Variants in ABR observed in about 807,000 individuals in gnomAD.
ABR encodes active breakpoint cluster region-related protein.
A neutral mutation model predicts 107.2 loss-of-function variants in ABR; 35 were observed. That is an observed-to-expected ratio of 0.33 (90% CI 0.25 to 0.43). ABR has a LOEUF of 0.43. Ranked by LOEUF, ABR falls within the 20% of genes least tolerant of loss-of-function variation. ABR has a pLI of 1.00. For synonymous variants in ABR, 498 were observed against 462.0 expected (o/e 1.08, Z -1.00); for missense variants, 815 against 1,115.2 (o/e 0.73, Z 3.83).
chr17:1,168,570 T>C (rs2041598561), intron 1 of ABR, among the ~76,000 whole-genome samples: 1 of 152,136 alleles, frequency 6.6e-6, no homozygotes, highest in Non-Finnish European at 1.5e-5. Context: ...GGACTGAATG[T>C]GGTGGGAAAG....
chr17:1,057,778 T>C (rs568469787), intron 12 of ABR, 192 bp downstream of exon 12: 28 of 563,000 alleles, frequency 5.0e-5, no homozygotes, highest in Non-Finnish European at 8.0e-5. Context: ...TAAATCATCA[T>C]GTCTTTCAGC....
intron 3 of ABR, among the ~76,000 whole-genome samples, chr17:1,098,276 C>T (rs934411217): frequency 4.6e-5 from 7 of 151,992 alleles, no homozygotes; most frequent in Non-Finnish European, 8.8e-5. Flanking sequence ...CGGGGTTTCA[C>T]CGTGTTGGCC....
At chr17:1,163,423 T>C (rs796217835) in intron 1 of ABR, among the ~76,000 whole-genome samples, 8 of 152,256 alleles carry the variant, frequency 5.3e-5, no homozygotes, top group African/African-American at 1.9e-4. Context: ...AGTCACAAGA[T>C]GAGCAAGACG....
At chr17:1,089,551 C>T (rs1025646965) in intron 4 of ABR, among the ~76,000 whole-genome samples, 18 of 152,156 alleles carry the variant, frequency 1.2e-4, no homozygotes, top group Admixed American at 5.9e-4. Context: ...AATCTCAGGC[C>T]CTGCAACGTC....
chr17:1,048,936 C>T (rs2032093058), intron 16 of ABR, among the ~76,000 whole-genome samples: 1 of 152,196 alleles, frequency 6.6e-6, no homozygotes, highest in South Asian at 2.1e-4. Context: ...AGAATCTACC[C>T]CCAAACCAGA....
At chr17:1,014,235 A>G (rs2070927188) in intron 16 of ABR, among the ~76,000 whole-genome samples, 1 of 152,078 alleles carries the variant, frequency 6.6e-6, no homozygotes, top group South Asian at 2.1e-4. Context: ...AGCTCAGGAG[A>G]TCGAGACCAT....
chr17:1,224,701 G>A (rs761918497), intron 1 of ABR, among the ~76,000 whole-genome samples: 1 of 152,124 alleles, frequency 6.6e-6, no homozygotes, highest in African/African-American at 2.4e-5. Context: ...TAGAGACAGG[G>A]ACTCGCTCTG....
In ABR at chr17:1,221,559, C is replaced by CT. The variant is rs985799789; in HGVS notation, c.838+7233dup. ...ATAAGCCTCTATCTTGTTTAAGCTA[C>CT]TTTTTTTCAGTTTTGTCATATACAG... is the stretch of plus-strand genomic sequence containing the variant. On this transcript the variant is annotated intron_variant, in intron 1 of 22. Transcript: ENST00000574139. Among the ~76,000 whole-genome samples the CT allele has an allele frequency of 1.1e-4, 17 of 152,180 alleles. 1 individual carries two copies. The highest frequency in any genetic ancestry group is 4.1e-4 in the African/African-American group (17 of 41,444).
At chr17:1,227,068 C>T (rs1233461747) in intron 1 of ABR, among the ~76,000 whole-genome samples, 1 of 152,152 alleles carries the variant, frequency 6.6e-6, no homozygotes, top group Non-Finnish European at 1.5e-5. Context: ...GTGCCAGACA[C>T]GTGCCCCAGC....
chr17:1,020,507 G>A (rs1171463205), intron 16 of ABR, among the ~76,000 whole-genome samples: 7 of 152,344 alleles, frequency 4.6e-5, no homozygotes, highest in African/African-American at 1.2e-4. Flanking sequence ...CCCCTGCGGC[G>A]AAAACCCAGC....
intron 4 of ABR, among the ~76,000 whole-genome samples, chr17:1,089,888 A>C (rs2036904145): frequency 1.3e-5 from 2 of 152,204 alleles, no homozygotes; most frequent in Non-Finnish European, 2.9e-5. Context: ...TGAACCCGCG[A>C]GGAGGAGGTT....
At chr17:1,048,872 C>T (rs1322980941) in intron 16 of ABR, among the ~76,000 whole-genome samples, 9 of 152,234 alleles carry the variant, frequency 5.9e-5, no homozygotes, top group Non-Finnish European at 7.3e-5. Flanking sequence ...GCCCAACGCC[C>T]GAGGCTCAAC....
At chr17:1,135,246 G>A (rs533920225) in intron 1 of ABR, among the ~76,000 whole-genome samples, 6 of 152,328 alleles carry the variant, frequency 3.9e-5, no homozygotes, top group East Asian at 3.9e-4. Flanking sequence ...TGAGAGCCTC[G>A]TGAGCTGAGC....
At chr17:1,136,823 A>G (rs1292775594) in intron 1 of ABR, among the ~76,000 whole-genome samples, 1 of 152,062 alleles carries the variant, frequency 6.6e-6, no homozygotes, top group African/African-American at 2.4e-5. Flanking sequence ...CGACCACTCA[A>G]ACTTTCTCCA....
intron 1 of ABR, among the ~76,000 whole-genome samples, chr17:1,223,220 A>G (rs1244900099): frequency 6.6e-6 from 1 of 151,880 alleles, no homozygotes; most frequent in Non-Finnish European, 1.5e-5. Flanking sequence ...TAAATAATAT[A>G]AAAATTAGCC....
intron 1 of ABR, among the ~76,000 whole-genome samples, chr17:1,213,143 T>G (rs929155023): frequency 1.3e-5 from 2 of 152,300 alleles, no homozygotes; most frequent in South Asian, 4.2e-4. Context: ...ACTTTTCAGC[T>G]TCTAAAACCT....
chr17:1,007,548 C>A (rs1390964659), intron 21 of ABR, among the ~76,000 whole-genome samples: 1 of 152,240 alleles, frequency 6.6e-6, no homozygotes, highest in African/African-American at 2.4e-5. Flanking sequence ...TCCCCCTGAA[C>A]TGATGGTGAA....
Position 1,096,019 on chromosome 17 carries a change from C to T in ABR, c.346-4169G>A, listed in dbSNP as rs116811974. On this transcript the variant is annotated intron_variant, in intron 3 of 22. Transcript: ENST00000302538. Reference sequence around the variant, plus strand: ...CTGGGGAGTGGCCTCACCCTGTGGCCCCAGCGTAGCAAGACACAGTTCCCA... The same window carrying T: ...CTGGGGAGTGGCCTCACCCTGTGGCTCCAGCGTAGCAAGACACAGTTCCCA... Among the ~76,000 whole-genome samples, 423 of 152,316 alleles carry T rather than the reference C, an allele frequency of 2.8e-3. 5 individuals are homozygous for T. The highest frequency in any genetic ancestry group is 9.7e-3 in the African/African-American group (405 of 41,574).
chr17:1,072,433 C>T (rs1313244642), intron 8 of ABR, among the ~76,000 whole-genome samples, 181 bp downstream of exon 8: 19 of 94,070 alleles, frequency 2.0e-4, no homozygotes, highest in African/African-American at 8.3e-4. Flanking sequence ...ACCTGCCGCC[C>T]GTGTGTGAGA....
Sources: gnomAD v4.1 joint callset for allele counts (sites outside exome capture counted in the v4.1 genomes callset) on GRCh38, gnomAD v4.1.1 for gene constraint, MANE v1.5 for transcripts, NCBI Gene and HGNC (gene_info 2026-07-23, HGNC 2026-07-21) for gene names.